Variants in MRTFA observed in about 807,000 individuals in gnomAD.
MRTFA encodes the protein myocardin-related transcription factor A.
Under a neutral mutation model 83.5 loss-of-function variants are expected in MRTFA, and 20 were observed. That is an observed-to-expected ratio of 0.24 (90% CI 0.17 to 0.35). The LOEUF is 0.35. Ranked by LOEUF, MRTFA falls within the 10% of genes least tolerant of loss-of-function variation. The pLI, the probability that MRTFA is intolerant of heterozygous loss-of-function variation, is 1.00. For missense variants in MRTFA, 1,200 were observed against 1,224.7 expected, an observed-to-expected ratio of 0.98 and a Z score of 0.30; for synonymous variants, 659 against 541.2, an observed-to-expected ratio of 1.22 and a Z score of -3.02.
At chr22:40,569,790 T>G (rs1378909409) in intron 2 of MRTFA, 1 of 152,510 alleles carries the variant, frequency 6.6e-6, no homozygotes, top group East Asian at 1.9e-4. Context: ...AAGGGGGTGA[T>G]GTCTCTGTTT....
intron 3 of MRTFA, among the ~76,000 whole-genome samples, chr22:40,502,347 G>C (rs889531952): frequency 2.5e-5 from 3 of 117,886 alleles, no homozygotes; most frequent in Non-Finnish European, 5.4e-5. Context: ...TCTCAGACGG[G>C]GCGGCCGGGC....
chr22:40,528,394 G>T (rs898805576), intron 3 of MRTFA, among the ~76,000 whole-genome samples: 2 of 152,084 alleles, frequency 1.3e-5, no homozygotes, highest in East Asian at 3.8e-4. Flanking sequence ...AAAGTGGAGG[G>T]CAAGAATTTT....
At chr22:40,513,270 T>G (rs2054697616) in intron 3 of MRTFA, among the ~76,000 whole-genome samples, 1 of 152,198 alleles carries the variant, frequency 6.6e-6, no homozygotes, top group Non-Finnish European at 1.5e-5. Context: ...GCAGAAATAT[T>G]AAAACACTAA....
chr22:40,602,727 A>G (rs2056274898), intron 1 of MRTFA, among the ~76,000 whole-genome samples: 1 of 151,786 alleles, frequency 6.6e-6, no homozygotes, highest in Non-Finnish European at 1.5e-5. Context: ...TGTGCCTGTA[A>G]TCCCAGTTAC....
Position 40,410,956 on chromosome 22 carries a change from A to G in MRTFA, c.*434T>C, listed in dbSNP as rs1045006783. Reference sequence around the variant, plus strand: ...GGAATAGGGGGTAGAGGCCCAGGCTAATTTCTCCCTTCACAGCAAAGCAGG... The same window carrying G: ...GGAATAGGGGGTAGAGGCCCAGGCTGATTTCTCCCTTCACAGCAAAGCAGG... On this transcript the variant is annotated 3_prime_UTR_variant, in exon 15 of 15. Transcript: ENST00000355630. The G allele has an allele frequency of 1.0e-4, 24 of 236,096 alleles. No homozygotes were observed. Among genetic ancestry groups the G allele is most frequent in the Admixed American group, 3.4e-4 (6 of 17,870 alleles). The allele number at this position is 236,096 out of a possible 1,614,324, so 14.6% of individuals were successfully genotyped here.
At chr22:40,417,745 C>A (rs1403410951) in intron 12 of MRTFA, 4 of 486,678 alleles carry the variant, frequency 8.2e-6, no homozygotes, top group South Asian at 7.8e-5. Flanking sequence ...GGGCTGGTCA[C>A]CCCCTGAGAT....
chr22:40,613,896 T>C (rs1265995807), intron 1 of MRTFA, among the ~76,000 whole-genome samples: 1 of 151,294 alleles, frequency 6.6e-6, no homozygotes, highest in African/African-American at 2.4e-5. Context: ...ATGGAGACCC[T>C]GTTTCAAAAA....
intron 1 of MRTFA, among the ~76,000 whole-genome samples, chr22:40,596,511 C>T (rs148375291): frequency 0.021 from 3,172 of 152,126 alleles, 46 homozygotes; most frequent in Non-Finnish European, 0.034. Flanking sequence ...ACTAAAAATG[C>T]AAAAATTAGG....
intron 1 of MRTFA, among the ~76,000 whole-genome samples, chr22:40,618,314 T>C (rs2056479784): frequency 6.7e-6 from 1 of 148,874 alleles, no homozygotes. Context: ...GTGGTCTCAA[T>C]CTCCTGACCT....
At chr22:40,487,425 GAGA>G (rs1177012320) in intron 3 of MRTFA, among the ~76,000 whole-genome samples, 1 of 152,146 alleles carries the variant, frequency 6.6e-6, no homozygotes, top group Non-Finnish European at 1.5e-5. Flanking sequence ...ACTACACAAT[GAGA>G]AGAACTAGTG....
intron 11 of MRTFA, among the ~76,000 whole-genome samples, chr22:40,419,627 G>T (rs796661358): frequency 6.2e-4 from 94 of 152,338 alleles, no homozygotes; most frequent in African/African-American, 2.2e-3. Context: ...ACGGGGGCTG[G>T]TACATGGTGC....
At chr22:40,459,381 A>G (rs1255969187) in intron 4 of MRTFA, among the ~76,000 whole-genome samples, 2 of 152,034 alleles carry the variant, frequency 1.3e-5, no homozygotes, top group African/African-American at 4.8e-5. Context: ...TAATCTAAGC[A>G]TTTCTTACCT....
At chr22:40,609,749 T>G (rs1347028903) in intron 1 of MRTFA, among the ~76,000 whole-genome samples, 1 of 151,902 alleles carries the variant, frequency 6.6e-6, no homozygotes, top group Admixed American at 6.6e-5. Flanking sequence ...GAGAATTGCT[T>G]GAACCCGGGC....
chr22:40,591,109 T>C (rs55853923), intron 2 of MRTFA, among the ~76,000 whole-genome samples: 13,658 of 152,074 alleles, frequency 0.09, 787 homozygotes, highest in East Asian at 0.25. Context: ...CACTCCAGCC[T>C]GGCGACAGAG....
intron 3 of MRTFA, chr22:40,519,513 T>G (rs1391771866): frequency 7.4e-7 from 1 of 1,349,626 alleles, no homozygotes; most frequent in South Asian, 1.2e-5. Flanking sequence ...AGGAGTCATT[T>G]TAACTCCAAC....
intron 3 of MRTFA, among the ~76,000 whole-genome samples, chr22:40,471,723 T>C (rs2053918412): frequency 1.3e-5 from 2 of 151,908 alleles, no homozygotes; most frequent in Non-Finnish European, 2.9e-5. Context: ...TCTACAAAAA[T>C]GAGCCAGGCA....
intron 14 of MRTFA, 186 bp from the exon 15 acceptor site, chr22:40,412,093 TAAA>T (rs1469559410): frequency 1.5e-5 from 7 of 459,966 alleles, no homozygotes; most frequent in Non-Finnish European, 2.5e-5. Context: ...ACATATTTGA[TAAA>T]GAAGTGATAT....
chr22:40,440,184 A>G (rs1409472255), intron 4 of MRTFA, among the ~76,000 whole-genome samples: 4 of 151,922 alleles, frequency 2.6e-5, no homozygotes, highest in Non-Finnish European at 4.4e-5. Context: ...ATTCAAGATC[A>G]TAATGACCAA....
intron 1 of MRTFA, among the ~76,000 whole-genome samples, chr22:40,601,542 T>C (rs1356717392): frequency 6.6e-6 from 1 of 152,238 alleles, no homozygotes; most frequent in African/African-American, 2.4e-5. Context: ...TCCATTTTAC[T>C]GTCTTATAGT....
Sources: gnomAD v4.1 joint callset for allele counts (sites outside exome capture counted in the v4.1 genomes callset) on GRCh38, gnomAD v4.1.1 for gene constraint, MANE v1.5 for transcripts, NCBI Gene and HGNC (gene_info 2026-07-23, HGNC 2026-07-21) for gene names.